Variants in MCC observed in about 807,000 individuals in gnomAD.
MCC encodes colorectal mutant cancer protein.
Under a neutral mutation model 116.2 loss-of-function variants are expected in MCC, and 90 were observed. The observed-to-expected ratio is 0.77, with a 90% CI of 0.65 to 0.92. The LOEUF (loss-of-function observed/expected upper bound fraction) is 0.92. MCC is among the 40% of genes least tolerant of loss of function. The probability of loss-of-function intolerance (pLI) is 0.00; values close to 1 mark genes in which losing one functional copy is unlikely to be tolerated. For missense variants in MCC, 1,516 were observed against 1,312.2 expected (o/e 1.16, Z -2.40); for synonymous variants, 578 against 510.5 (o/e 1.13, Z -1.78).
chr5:113,260,913 C>A (rs914246043), intron 3 of MCC, among the ~76,000 whole-genome samples: 5 of 152,018 alleles, frequency 3.3e-5, no homozygotes, highest in Non-Finnish European at 7.4e-5. Flanking sequence ...TTGGCAGATA[C>A]CATCAGGTGT....
chr5:113,041,129 C>T (rs1458391855), intron 17 of MCC, among the ~76,000 whole-genome samples: 8 of 152,178 alleles, frequency 5.3e-5, no homozygotes, highest in African/African-American at 1.7e-4. Flanking sequence ...TGGCAAAGTA[C>T]AAACAGAGCT....
At chr5:113,182,315 G>C (rs1265157839) in intron 3 of MCC, among the ~76,000 whole-genome samples, 1 of 152,190 alleles carries the variant, frequency 6.6e-6, no homozygotes, top group African/African-American at 2.4e-5. Context: ...GCCAGACCCA[G>C]TGTTCTAATG....
At position 113,381,711 on chromosome 5, in the gene MCC, C is replaced by T. The variant is rs563472800; in HGVS notation, c.415+3257G>A. Among the ~76,000 whole-genome samples the T allele has an allele frequency of 2.6e-5, 4 of 152,174 alleles. No individual in the cohort carries two copies. The South Asian group carries it at 8.3e-4, about 32-fold the overall frequency. ...GCTGAGACAGGAGGATCACTTGAGTCCAGGAGGTTGAGGCTGTAGTGAGCC... is the reference window on the plus strand; with the variant it reads ...GCTGAGACAGGAGGATCACTTGAGTTCAGGAGGTTGAGGCTGTAGTGAGCC... On this transcript the variant is annotated intron_variant, in intron 2 of 18. Transcript: ENST00000408903.
At chr5:113,169,934 T>A (rs1376837424) in intron 3 of MCC, among the ~76,000 whole-genome samples, 1 of 152,194 alleles carries the variant, frequency 6.6e-6, no homozygotes, top group Non-Finnish European at 1.5e-5. Flanking sequence ...TCTATTCTAC[T>A]CCAGCTTTTA....
chr5:113,122,749 A>C lies in MCC; in HGVS notation c.962T>G (p.Met321Arg). ...AGAGACAGAGGTCTGGTCTTGGTCC[A>C]TGCTTCGAGAGTCCTCGTTGACCTC... ...QHEVNEDSRSMDQDQTSVSIP... is the reference protein window; with the variant it reads ...QHEVNEDSRSRDQDQTSVSIP... The change falls in exon 6 of 19, where the codon ATG (methionine) becomes AGG (arginine). Residue 321 changes from methionine to arginine, a missense_variant. Met to Arg is a moderately conservative substitution (Grantham distance 91). Transcript: ENST00000408903. 3 of 1,614,200 alleles carry C rather than the reference A, an allele frequency of 1.9e-6. No homozygotes were observed. Among genetic ancestry groups the C allele is most frequent in the South Asian group, 1.1e-5 (1 of 91,074 alleles).
intron 3 of MCC, among the ~76,000 whole-genome samples, chr5:113,277,103 G>A (rs887534105): frequency 6.6e-6 from 1 of 151,848 alleles, no homozygotes. Flanking sequence ...AGCACTTTGG[G>A]AGGCCTAGGC....
intron 3 of MCC, among the ~76,000 whole-genome samples, chr5:113,183,305 A>C (rs1265356841): frequency 6.6e-6 from 1 of 152,166 alleles, no homozygotes; most frequent in African/African-American, 2.4e-5. Context: ...GAGACAGAGA[A>C]ATGTCTTTTA....
At chr5:113,312,633 T>C (rs1581392117) in intron 3 of MCC, among the ~76,000 whole-genome samples, 1 of 152,206 alleles carries the variant, frequency 6.6e-6, no homozygotes, top group Non-Finnish European at 1.5e-5. Flanking sequence ...AAAGGCTTTG[T>C]AGATGATGTG....
At chr5:113,435,809 G>A (rs1044370445) in intron 1 of MCC, 1 of 152,854 alleles carries the variant, frequency 6.5e-6, no homozygotes, top group African/African-American at 2.4e-5. Context: ...GCCCTGGCTG[G>A]GCTCCCAGGG....
At chr5:113,358,267 T>G (rs938233267) in intron 2 of MCC, among the ~76,000 whole-genome samples, 1 of 152,224 alleles carries the variant, frequency 6.6e-6, no homozygotes, top group East Asian at 1.9e-4. Context: ...CTATTCTACT[T>G]GGCCAGCTCT....
At chr5:113,189,939 T>C (rs1007689219) in intron 3 of MCC, among the ~76,000 whole-genome samples, 2 of 152,278 alleles carry the variant, frequency 1.3e-5, no homozygotes, top group Middle Eastern at 6.8e-3. Flanking sequence ...ATGTAGGTTA[T>C]CTAGAGAGCC....
intron 17 of MCC, among the ~76,000 whole-genome samples, chr5:113,042,629 C>A (rs1209401044): frequency 1.3e-5 from 2 of 151,654 alleles, no homozygotes; most frequent in Non-Finnish European, 2.9e-5. Flanking sequence ...AATTAGTGAG[C>A]TGGAAAATTT....
intron 3 of MCC, chr5:113,294,770 C>T (rs1766656989): frequency 1.0e-6 from 1 of 989,746 alleles, no homozygotes; most frequent in Admixed American, 6.1e-5. Context: ...GGGCACTTCC[C>T]AGCACGAGCC....
chr5:113,331,299 G>A (rs747050255), intron 3 of MCC, among the ~76,000 whole-genome samples: 1 of 151,744 alleles, frequency 6.6e-6, no homozygotes, highest in Non-Finnish European at 1.5e-5. Context: ...CAGTACCGCT[G>A]AGCAGAGCAG....
At chr5:113,170,801 G>C (rs1282908910) in intron 3 of MCC, among the ~76,000 whole-genome samples, 3 of 152,070 alleles carry the variant, frequency 2.0e-5, no homozygotes, top group African/African-American at 7.2e-5. Context: ...CATATGTTTT[G>C]CTCCCAGAAA....
chr5:113,407,376 TGA>T (rs1406871107), intron 1 of MCC, among the ~76,000 whole-genome samples: 6 of 152,124 alleles, frequency 3.9e-5, no homozygotes, highest in Non-Finnish European at 8.8e-5. Flanking sequence ...TCAGATAGGG[TGA>T]AATCCTACCT....
At chr5:113,386,747 T>C (rs1441249352) in intron 1 of MCC, among the ~76,000 whole-genome samples, 2 of 96,786 alleles carry the variant, frequency 2.1e-5, no homozygotes, top group East Asian at 2.4e-4. Flanking sequence ...TGTGTCCATA[T>C]GTATATCATA....
chr5:113,065,895 T>C (rs1753568559), intron 13 of MCC, among the ~76,000 whole-genome samples: 1 of 152,174 alleles, frequency 6.6e-6, no homozygotes, highest in Admixed American at 6.5e-5. Flanking sequence ...CTGCCCTCAG[T>C]ACTATGGAGA....
Position 113,435,760 on chromosome 5 carries a change from T to C in MCC, c.171-50548A>G, listed in dbSNP as rs375365625. ...GGACAGCTGGCAGGAGTTCTGCTCT[T>C]GGCTGTGAGCTCCCTCCTGGGGACC... On this transcript the variant is annotated intron_variant, in intron 1 of 18. Coordinates refer to ENST00000408903, the MANE Select transcript of MCC (RefSeq NM_001085377.2). 4 of 152,482 alleles carry C rather than the reference T, an allele frequency of 2.6e-5. No individual in the cohort carries two copies. In the East Asian group the frequency reaches 5.8e-4, roughly 22 times the overall value. 9.4% of individuals were successfully genotyped at this position (152,482 alleles called of 1,614,324 possible).
Sources: gnomAD v4.1 joint callset for allele counts (sites outside exome capture counted in the v4.1 genomes callset) on GRCh38, gnomAD v4.1.1 for gene constraint, MANE v1.5 for transcripts, NCBI Gene and HGNC (gene_info 2026-07-23, HGNC 2026-07-21) for gene names.